Variants in ODAD3 observed in about 807,000 individuals in gnomAD.
The protein encoded by ODAD3 is outer dynein arm docking complex subunit 3.
Under a neutral mutation model 70.9 loss-of-function variants are expected in ODAD3, and 57 were observed. The observed-to-expected ratio is 0.80, with a 90% CI of 0.65 to 1.00. The LOEUF is 1.00. Ranked by LOEUF, ODAD3 falls within the 50% of genes least tolerant of loss-of-function variation. ODAD3 has a pLI of 0.00. For missense variants in ODAD3, 797 were observed against 763.9 expected (o/e 1.04, Z -0.51); for synonymous variants, 327 against 315.9 (o/e 1.04, Z -0.37).
Position 11,422,926 on chromosome 19 carries a change from T to A in ODAD3, c.1117-65A>T. ...GAGCGTAGGGGCGCTCCACCTCCTC[T>A]CCCCCACCCTGCGAACCCTCGCACG... On this transcript the variant is annotated intron_variant, in intron 8 of 12. Transcript: ENST00000356392. This position sits in a 1 kb window ranked among gnomAD's most constrained non-coding sequence, Gnocchi z 4.6. 2 of 1,540,476 alleles carry A rather than the reference T, an allele frequency of 1.3e-6. No homozygotes were observed. The highest frequency in any genetic ancestry group is 1.7e-6 in the Non-Finnish European group (2 of 1,144,646).
chr19:11,425,837 C>G (rs1273936423), intron 7 of ODAD3, among the ~76,000 whole-genome samples: 1 of 150,476 alleles, frequency 6.6e-6, no homozygotes, highest in Non-Finnish European at 1.5e-5. Flanking sequence ...CTCAGAGGCA[C>G]GGTCAGATTC....
intron 3 of ODAD3, among the ~76,000 whole-genome samples, chr19:11,429,847 T>A (rs972498355): frequency 1.3e-5 from 2 of 151,936 alleles, no homozygotes; most frequent in African/African-American, 4.8e-5. Context: ...CTTTTTTTTT[T>A]TTTTTTTTAA....
At chr19:11,434,746 C>T (rs1188039067) in intron 1 of ODAD3, 27 bp downstream of exon 1, 3 of 1,590,906 alleles carry the variant, frequency 1.9e-6, no homozygotes, top group South Asian at 1.1e-5. Flanking sequence ...GACCCCTGAC[C>T]CTCTGTACCC....
rs972270780 is a variant in ODAD3, at chr19:11,425,154, T to C, written c.963+990A>G. ...GTATATGTGTATATGTACATATGTA[T>C]ATATACATATGTGTATATGTACATA... On this transcript the variant is annotated intron_variant, in intron 7 of 12. Coordinates refer to ENST00000356392, the MANE Select transcript of ODAD3 (RefSeq NM_145045.5). Among the ~76,000 whole-genome samples the C allele has an allele frequency of 9.9e-4, 133 of 134,538 alleles. 4 individuals carry two copies. Among genetic ancestry groups the C allele is most frequent in the Non-Finnish European group, 6.0e-4 (38 of 62,822 alleles). 88.3% of individuals were successfully genotyped at this position (134,538 alleles called of 152,430 possible).
chr19:11,427,827 G>A (rs1320104177), intron 3 of ODAD3, among the ~76,000 whole-genome samples: 7 of 151,678 alleles, frequency 4.6e-5, no homozygotes, highest in Non-Finnish European at 7.4e-5. Flanking sequence ...TAGGCTGGGC[G>A]CGGTGGCTCC....
At chr19:11,425,596 T>C (rs542516794) in intron 7 of ODAD3, among the ~76,000 whole-genome samples, 2 of 139,832 alleles carry the variant, frequency 1.4e-5, no homozygotes, top group African/African-American at 5.9e-5. Context: ...TGTATATGTG[T>C]ATATATGTGT....
chr19:11,435,371 G>T (rs1969656404), upstream of ODAD3: 1 of 455,246 alleles, frequency 2.2e-6, no homozygotes, highest in East Asian at 5.8e-5. Flanking sequence ...ACCTTATCCC[G>T]CCCCTGGGGG....
intron 3 of ODAD3, among the ~76,000 whole-genome samples, chr19:11,427,343 G>A (rs1234429407): frequency 2.0e-4 from 30 of 151,022 alleles, no homozygotes; most frequent in Non-Finnish European, 7.4e-5. Context: ...CACCCAGGCT[G>A]GAGTGCTGTG....
chr19:11,425,651 GTA>G (rs373377382), intron 7 of ODAD3, among the ~76,000 whole-genome samples: 1,447 of 123,248 alleles, frequency 0.012, 111 homozygotes, highest in African/African-American at 0.044. Flanking sequence ...ATGTATATAC[GTA>G]TATATATATA....
At chr19:11,425,051 ATGTG>A (rs1175638720) in intron 7 of ODAD3, among the ~76,000 whole-genome samples, 16 of 124,038 alleles carry the variant, frequency 1.3e-4, no homozygotes, top group Non-Finnish European at 1.7e-4. Flanking sequence ...ATGTGTATAT[ATGTG>A]TATATGTGTA....
chr19:11,421,363 C>T, intron 11 of ODAD3, 151 bp from the exon 12 acceptor site: 3 of 765,166 alleles, frequency 3.9e-6, no homozygotes, highest in South Asian at 1.8e-5. Context: ...AAGCAGGCAC[C>T]TTGATACCCA....
At chr19:11,425,353 G>A (rs1054854057) in intron 7 of ODAD3, among the ~76,000 whole-genome samples, 64 of 113,524 alleles carry the variant, frequency 5.6e-4, no homozygotes, top group Admixed American at 2.1e-3. Flanking sequence ...GTATATATGT[G>A]TATATGTACA....
chr19:11,435,489 C>A, upstream of ODAD3: 1 of 390,152 alleles, frequency 2.6e-6, no homozygotes, highest in South Asian at 1.9e-5. Context: ...ACTATCCTCT[C>A]TAAGGTTTCA....
At chr19:11,434,179 C>T (rs1969575714) in intron 1 of ODAD3, among the ~76,000 whole-genome samples, 1 of 150,132 alleles carries the variant, frequency 6.7e-6, no homozygotes, top group South Asian at 2.1e-4. Context: ...TGCCACTGCT[C>T]TCCAGCCTAG....
At chr19:11,434,287 C>T (rs544585641) in intron 1 of ODAD3, among the ~76,000 whole-genome samples, 2 of 149,672 alleles carry the variant, frequency 1.3e-5, no homozygotes, top group South Asian at 2.1e-4. Context: ...TTTGGGAGGC[C>T]GAGGCGGGCT....
Position 11,422,998 on chromosome 19 carries a change from G to A in ODAD3, c.1117-137C>T, listed in dbSNP as rs1456227180. On this transcript the variant is annotated intron_variant, in intron 8 of 12. Transcript: ENST00000356392. This position sits in a 1 kb window ranked among gnomAD's most constrained non-coding sequence, Gnocchi z 4.6. ...GCGCCTTTTGCACAGCAATGTATGG[G>A]GACACTGTGGGTTGGACGCAGGGTT... The A allele has an allele frequency of 5.0e-5, 46 of 918,880 alleles. No homozygotes were observed. The highest frequency in any genetic ancestry group is 4.8e-5 in the Non-Finnish European group (30 of 623,684). 56.9% of individuals were successfully genotyped at this position (918,880 alleles called of 1,614,324 possible).
chr19:11,426,695 C>G lies in ODAD3; in HGVS notation c.702G>C (p.Lys234Asn), dbSNP rs758206854. 5.6e-6 allele frequency: 9 copies of G among 1,613,824 alleles called. No individual in the cohort carries two copies. The South Asian group carries it at 7.7e-5, about 14-fold the overall frequency. The change falls in exon 5 of 13, where the codon AAG (lysine) becomes AAC (asparagine). Residue 234 changes from lysine (K) to asparagine (N), a missense_variant. Coordinates refer to ENST00000356392, the MANE Select transcript of ODAD3 (RefSeq NM_145045.5). ...EHITSVYLQL[K>N]AYLMDESLNL... Reference sequence around the variant, plus strand: ...TCCTAGTCCCTACCATTAGATAGGCCTTGAGCTGCAGGTACACGCTGGTAA... The same window carrying G: ...TCCTAGTCCCTACCATTAGATAGGCGTTGAGCTGCAGGTACACGCTGGTAA...
Position 11,425,249 on chromosome 19 carries a change from A to G in ODAD3, c.963+895T>C, listed in dbSNP as rs868785278. Among the ~76,000 whole-genome samples, 141 of 113,300 alleles carry G rather than the reference A, an allele frequency of 1.2e-3. 4 individuals carry two copies. The highest frequency in any genetic ancestry group is 2.3e-3 in the African/African-American group (38 of 16,792). 74.3% of individuals were successfully genotyped at this position (113,300 alleles called of 152,430 possible). ...TGTGTATATGTACATATGTGTATAT[A>G]TGTATATGTACATATGTGTATATGT... On this transcript the variant is annotated intron_variant, in intron 7 of 12. Transcript: ENST00000356392.
rs1969177360 is a variant in ODAD3 at position 11,422,950 on chromosome 19, C to A, written c.1117-89G>T. 6.9e-7 allele frequency: 1 copy of A among 1,459,114 alleles called. No individual in the cohort carries two copies. The highest frequency in any genetic ancestry group is 2.3e-5 in the East Asian group (1 of 42,848). The allele number at this position is 1,459,114 out of a possible 1,614,324, so 90.4% of individuals were successfully genotyped here. On this transcript the variant is annotated intron_variant, in intron 8 of 12. Transcript: ENST00000356392. The surrounding 1 kb of genome is among the most constrained non-coding windows in gnomAD (Gnocchi z 4.6). Reference sequence around the variant, plus strand: ...CTCCCCCACCCTGCGAACCCTCGCACGCAGGACAGGTGGCCTGAGCTGGCG... The same window carrying A: ...CTCCCCCACCCTGCGAACCCTCGCAAGCAGGACAGGTGGCCTGAGCTGGCG...
Sources: allele counts gnomAD v4.1 joint callset (sites outside exome capture counted in the v4.1 genomes callset), GRCh38; gene constraint gnomAD v4.1.1; non-coding constraint Gnocchi (gnomAD v3.1); transcripts MANE v1.5; gene names NCBI Gene and HGNC (gene_info 2026-07-23, HGNC 2026-07-21).